NXPH1: variants seen among roughly 807,000 people sequenced by gnomAD.
NXPH1 encodes the protein neurexophilin 1.
A neutral mutation model predicts 23.7 loss-of-function variants in NXPH1; 5 were observed. That is an observed-to-expected ratio of 0.21 (90% CI 0.11 to 0.44). NXPH1 has a LOEUF of 0.44. NXPH1 is among the 20% of genes least tolerant of loss of function. The pLI is 0.99. For synonymous variants in NXPH1, 144 were observed against 122.2 expected (o/e 1.18, Z -1.18); for missense variants, 324 against 321.6 (o/e 1.01, Z -0.06).
chr7:8,535,655 A>G (rs1268285506), intron 2 of NXPH1, among the ~76,000 whole-genome samples: 1 of 151,960 alleles, frequency 6.6e-6, no homozygotes, highest in Non-Finnish European at 1.5e-5. Flanking sequence ...ATGCCATTCC[A>G]AGGGGCTAGG....
intron 2 of NXPH1, among the ~76,000 whole-genome samples, chr7:8,558,381 C>G (rs1818393580): frequency 6.6e-6 from 1 of 151,644 alleles, no homozygotes; most frequent in Admixed American, 6.6e-5. Flanking sequence ...TCCTGTTAGA[C>G]TTGAAGAGTT....
At chr7:8,702,638 C>A (rs1478863707) in intron 2 of NXPH1, among the ~76,000 whole-genome samples, 1 of 152,012 alleles carries the variant, frequency 6.6e-6, no homozygotes, top group Non-Finnish European at 1.5e-5. Context: ...TTAGTGTGGA[C>A]AATAATGGTG....
At chr7:8,485,350 C>T (rs1817141699) in intron 2 of NXPH1, among the ~76,000 whole-genome samples, 1 of 152,130 alleles carries the variant, frequency 6.6e-6, no homozygotes, top group African/African-American at 2.4e-5. Context: ...TTATAAATTA[C>T]CCAGTCTTGG....
At chr7:8,656,774 A>G (rs924334978) in intron 2 of NXPH1, among the ~76,000 whole-genome samples, 3 of 150,402 alleles carry the variant, frequency 2.0e-5, no homozygotes, top group East Asian at 1.9e-4. Context: ...ATTCCCACCT[A>G]TGAGTGAGAA....
At chr7:8,585,717 C>G (rs941725935) in intron 2 of NXPH1, among the ~76,000 whole-genome samples, 3 of 152,174 alleles carry the variant, frequency 2.0e-5, no homozygotes, top group African/African-American at 7.2e-5. Flanking sequence ...GAATGTGCAT[C>G]ACATATGTTG....
chr7:8,648,068 T>C (rs941372022), intron 2 of NXPH1, among the ~76,000 whole-genome samples: 1 of 152,188 alleles, frequency 6.6e-6, no homozygotes. Context: ...ATAGGGTACA[T>C]GGGATGTTTT....
chr7:8,492,037 G>C (rs1301052273), intron 2 of NXPH1, among the ~76,000 whole-genome samples: 2 of 151,944 alleles, frequency 1.3e-5, no homozygotes, highest in Admixed American at 1.3e-4. Flanking sequence ...CAGAGGTATC[G>C]ATCTTTTTCT....
chr7:8,625,316 A>T (rs1215014301), intron 2 of NXPH1, among the ~76,000 whole-genome samples: 1 of 152,122 alleles, frequency 6.6e-6, no homozygotes, highest in African/African-American at 2.4e-5. Flanking sequence ...ATGATATATT[A>T]TGTTGCTATG....
intron 2 of NXPH1, among the ~76,000 whole-genome samples, chr7:8,594,352 C>A (rs1819167837): frequency 6.6e-6 from 1 of 152,014 alleles, no homozygotes; most frequent in African/African-American, 2.4e-5. Context: ...AGAAGTATGT[C>A]ATTGTTGACG....
chr7:8,579,383 T>G (rs1461449754), intron 2 of NXPH1, among the ~76,000 whole-genome samples: 1 of 150,282 alleles, frequency 6.7e-6, no homozygotes, highest in African/African-American at 2.5e-5. Flanking sequence ...TTTGTTTTGT[T>G]TTTCTGAGAC....
intron 2 of NXPH1, among the ~76,000 whole-genome samples, chr7:8,558,620 G>A (rs1584231265): frequency 6.6e-6 from 1 of 151,710 alleles, no homozygotes; most frequent in South Asian, 2.1e-4. Flanking sequence ...TCCATACTGA[G>A]CTAGATTCTT....
chr7:8,496,717 G>T (rs1453318052), intron 2 of NXPH1, among the ~76,000 whole-genome samples: 3 of 152,044 alleles, frequency 2.0e-5, no homozygotes, highest in African/African-American at 7.2e-5. Context: ...TGACTGTGAG[G>T]CATGCTTTAC....
chr7:8,520,440 A>G (rs1202219062), intron 2 of NXPH1, among the ~76,000 whole-genome samples: 1 of 152,200 alleles, frequency 6.6e-6, no homozygotes, highest in Non-Finnish European at 1.5e-5. Flanking sequence ...AGCTCTGGCA[A>G]TTATAGCAAA....
chr7:8,732,782 T>A (rs1282407671), intron 2 of NXPH1, among the ~76,000 whole-genome samples: 1 of 152,086 alleles, frequency 6.6e-6, no homozygotes, highest in Non-Finnish European at 1.5e-5. Flanking sequence ...AATCAGTGAG[T>A]GGTGAGGAAA....
At chr7:8,654,543 CAT>C (rs1202734543) in intron 2 of NXPH1, among the ~76,000 whole-genome samples, 1 of 152,310 alleles carries the variant, frequency 6.6e-6, no homozygotes, top group African/African-American at 2.4e-5. Context: ...CCTGTGAAAA[CAT>C]AGCCCATCCC....
At chr7:8,702,082 G>C (rs1779632797) in intron 2 of NXPH1, among the ~76,000 whole-genome samples, 1 of 150,054 alleles carries the variant, frequency 6.7e-6, no homozygotes, top group African/African-American at 2.4e-5. Context: ...TGTTGTCTGT[G>C]TTATGTTGAT....
chr7:8,564,677 A>G (rs570205385), intron 2 of NXPH1, among the ~76,000 whole-genome samples: 69 of 151,986 alleles, frequency 4.5e-4, no homozygotes, highest in East Asian at 1.4e-3. Context: ...CAAACTGGCC[A>G]TTCATTAAGG....
chr7:8,741,678 C>G (rs1050514522), intron 2 of NXPH1, among the ~76,000 whole-genome samples: 2 of 152,090 alleles, frequency 1.3e-5, no homozygotes, highest in African/African-American at 4.8e-5. Context: ...CACTACTTTC[C>G]TCTGGCTTAT....
intron 2 of NXPH1, among the ~76,000 whole-genome samples, chr7:8,661,601 TC>T (rs1820674865): frequency 6.6e-6 from 1 of 152,034 alleles, no homozygotes; most frequent in Non-Finnish European, 1.5e-5. Context: ...CTGTATTCTC[TC>T]CCTTGGATAC....
Sources: gnomAD v4.1 joint callset for allele counts (sites outside exome capture counted in the v4.1 genomes callset) on GRCh38, gnomAD v4.1.1 for gene constraint, MANE v1.5 for transcripts, NCBI Gene and HGNC (gene_info 2026-07-23, HGNC 2026-07-21) for gene names.